The following NOS1AP variants were observed in gnomAD, a reference collection of about 807,000 sequenced individuals.
NOS1AP encodes the protein nitric oxide synthase 1 adaptor protein.
A neutral mutation model predicts 56.2 loss-of-function variants in NOS1AP; 21 were observed. That is an observed-to-expected ratio of 0.37 (90% CI 0.26 to 0.54). The LOEUF (loss-of-function observed/expected upper bound fraction) is 0.54. NOS1AP is among the 20% of genes least tolerant of loss of function. NOS1AP has a pLI of 0.84. For missense variants in NOS1AP, 522 were observed against 657.8 expected (o/e 0.79, Z 2.26); for synonymous variants, 270 against 274.6 (o/e 0.98, Z 0.17).
intron 1 of NOS1AP, among the ~76,000 whole-genome samples, chr1:162,147,939 G>C (rs1399233809): frequency 6.6e-6 from 1 of 152,136 alleles, no homozygotes; most frequent in Non-Finnish European, 1.5e-5. Flanking sequence ...GGAAGGGGGG[G>C]ATGCAGGAAT....
chr1:162,252,672 T>TA (rs1484888520), intron 2 of NOS1AP, among the ~76,000 whole-genome samples: 1 of 152,224 alleles, frequency 6.6e-6, no homozygotes. Flanking sequence ...CTGGTTTCTT[T>TA]AACTCTTTGG....
chr1:162,092,606 T>G (rs1368612710), intron 1 of NOS1AP, among the ~76,000 whole-genome samples: 1 of 152,254 alleles, frequency 6.6e-6, no homozygotes, highest in Non-Finnish European at 1.5e-5. Flanking sequence ...AAGAAGATAG[T>G]AATTCAAATT....
chr1:162,224,637 A>G (rs2101661333), intron 2 of NOS1AP, among the ~76,000 whole-genome samples: 1 of 152,318 alleles, frequency 6.6e-6, no homozygotes, highest in Middle Eastern at 3.4e-3. Context: ...AACATGAAAT[A>G]AAAGTGAAAA....
chr1:162,295,608 T>C (rs1456616344), intron 3 of NOS1AP, among the ~76,000 whole-genome samples: 1 of 152,210 alleles, frequency 6.6e-6, no homozygotes, highest in Non-Finnish European at 1.5e-5. Flanking sequence ...GTTTTTTTCT[T>C]TGAAATACTT....
At chr1:162,181,245 A>G (rs1384620810) in intron 2 of NOS1AP, among the ~76,000 whole-genome samples, 1 of 152,234 alleles carries the variant, frequency 6.6e-6, no homozygotes, top group Non-Finnish European at 1.5e-5. Flanking sequence ...AAGGATTTGA[A>G]TATCTTTGAA....
chr1:162,212,088 C>T (rs962709337), intron 2 of NOS1AP, among the ~76,000 whole-genome samples: 1 of 152,174 alleles, frequency 6.6e-6, no homozygotes, highest in Non-Finnish European at 1.5e-5. Context: ...AGATGCCTTG[C>T]CTGTGTTGCT....
intron 6 of NOS1AP, among the ~76,000 whole-genome samples, chr1:162,353,360 C>T (rs1657586458): frequency 6.6e-6 from 1 of 152,138 alleles, no homozygotes; most frequent in African/African-American, 2.4e-5. Context: ...CCTCTCTGCC[C>T]CTGCCCCCGC....
intron 1 of NOS1AP, among the ~76,000 whole-genome samples, chr1:162,125,703 T>A (rs1648460813): frequency 6.6e-6 from 1 of 152,206 alleles, no homozygotes; most frequent in Admixed American, 6.5e-5. Flanking sequence ...TGTCCAATAA[T>A]GTGATTCCTC....
chr1:162,083,897 G>A (rs780681776), intron 1 of NOS1AP, among the ~76,000 whole-genome samples: 1 of 152,118 alleles, frequency 6.6e-6, no homozygotes. Flanking sequence ...TGAGACCCAC[G>A]GCATTAGAGC....
intron 1 of NOS1AP, among the ~76,000 whole-genome samples, chr1:162,111,913 T>C (rs80162768): frequency 0.021 from 3,168 of 152,286 alleles, 127 homozygotes; most frequent in African/African-American, 0.073. Context: ...CAGGGCCTCA[T>C]TGCCAGGGTG....
intron 1 of NOS1AP, among the ~76,000 whole-genome samples, chr1:162,092,473 A>C (rs1172959496): frequency 6.6e-6 from 1 of 152,156 alleles, no homozygotes; most frequent in African/African-American, 2.4e-5. Context: ...ATTTCCAAGA[A>C]AAGTGTTTCT....
rs114463331 is a variant in NOS1AP, at chr1:162,145,589, C to G, written c.106-8816C>G. Among the ~76,000 whole-genome samples the G allele has an allele frequency of 3.9e-5, 6 of 152,274 alleles. No homozygotes were observed. In the East Asian group the frequency reaches 7.7e-4, roughly 20 times the overall value. The stretch of plus-strand genomic sequence containing the variant: ...TTCACCCTGGTCACATTCATAATCC[C>G]GCTCAGCAGGACGCTCAGCTGTGCA... On this transcript the variant is annotated intron_variant, in intron 1 of 9. Transcript: ENST00000361897.
chr1:162,117,180 G>A (rs568210607), intron 1 of NOS1AP, among the ~76,000 whole-genome samples: 1 of 152,232 alleles, frequency 6.6e-6, no homozygotes, highest in African/African-American at 2.4e-5. Context: ...CTGGGGACAG[G>A]AGCTCATTTT....
At chr1:162,304,829 AAATATATATGGTCCATTTTATC>A (rs1655769955) in intron 4 of NOS1AP, among the ~76,000 whole-genome samples, 1 of 149,338 alleles carries the variant, frequency 6.7e-6, no homozygotes, top group South Asian at 2.1e-4. Flanking sequence ...CTTTTTTCTA[AAATATATATGGTCCATTTTATC>A]ATGAACAAGG....
chr1:162,340,673 G>A (rs1369593869), intron 5 of NOS1AP, among the ~76,000 whole-genome samples: 1 of 152,182 alleles, frequency 6.6e-6, no homozygotes, highest in South Asian at 2.1e-4. Flanking sequence ...AGGATAGGAA[G>A]GAAATGGGAG....
intron 1 of NOS1AP, among the ~76,000 whole-genome samples, chr1:162,073,066 C>T (rs760169309): frequency 1.3e-5 from 2 of 152,154 alleles, no homozygotes; most frequent in Non-Finnish European, 2.9e-5. Context: ...GGGTTAGGAT[C>T]GAAGGGCATC....
chr1:162,321,777 G>A (rs960913549), intron 4 of NOS1AP, among the ~76,000 whole-genome samples: 2 of 148,758 alleles, frequency 1.3e-5, no homozygotes, highest in African/African-American at 5.0e-5. Context: ...GCAGCTGCAG[G>A]CCATTATCCT....
intron 1 of NOS1AP, among the ~76,000 whole-genome samples, chr1:162,105,412 C>A (rs1647456648): frequency 1.3e-5 from 2 of 152,230 alleles, no homozygotes; most frequent in South Asian, 4.1e-4. Context: ...AAGAAGCAGT[C>A]TGGCTGCCCT....
Position 162,355,250 on chromosome 1 carries a change from C to G in NOS1AP, c.659C>G (p.Ala220Gly). ...ACTGCAGAGGAGACTGACATCGATGCGGTGGAGGTCCCACTTCCAGGGAAT... is the reference window on the plus strand; with the variant it reads ...ACTGCAGAGGAGACTGACATCGATGGGGTGGAGGTCCCACTTCCAGGGAAT... ...TATAEETDID[A>G]VEVPLPGNDV... Residue 220 changes from alanine (A) to glycine (G), a missense_variant, in exon 7 of 10, where the codon GCG becomes GGG. This residue lies in a region of NOS1AP where 178 missense variants were observed against 165.0 expected (regional missense o/e 1.08). Coordinates refer to ENST00000361897, the MANE Select transcript of NOS1AP (RefSeq NM_014697.3). 2 of 1,614,030 alleles carry G rather than the reference C, an allele frequency of 1.2e-6. No homozygotes were observed. Among genetic ancestry groups the G allele is most frequent in the Non-Finnish European group, 1.7e-6 (2 of 1,179,996 alleles).
Sources: allele counts gnomAD v4.1 joint callset (sites outside exome capture counted in the v4.1 genomes callset), GRCh38; gene constraint gnomAD v4.1.1; regional missense constraint gnomAD v4.1.1; transcripts MANE v1.5; gene names NCBI Gene and HGNC (gene_info 2026-07-23, HGNC 2026-07-21).